EMID1: variants seen among roughly 807,000 people sequenced by gnomAD.
The protein encoded by EMID1 is EMI domain containing 1.
A neutral mutation model predicts 60.6 loss-of-function variants in EMID1; 40 were observed. The observed-to-expected ratio is 0.66, with a 90% CI of 0.51 to 0.86. The LOEUF (loss-of-function observed/expected upper bound fraction) is 0.86. EMID1 is among the 40% of genes least tolerant of loss of function. EMID1 has a pLI of 0.00. For missense variants in EMID1, 585 were observed against 597.1 expected, an observed-to-expected ratio of 0.98 and a Z score of 0.21; for synonymous variants, 242 against 231.0, an observed-to-expected ratio of 1.05 and a Z score of -0.43.
rs768292685 is a variant in EMID1, at chr22:29,215,642, C to T, written c.319+12C>T. On this transcript the variant is annotated intron_variant, in intron 3 of 14. Transcript: ENST00000334018. ...GAGCTGCGAGGAAGGTAGGACTGCC[C>T]GGCCGGCTCCCGGAGCCCTGCGACA... The T allele has an allele frequency of 3.4e-5, 55 of 1,611,620 alleles. No homozygotes were observed. The highest frequency in any genetic ancestry group is 1.3e-4 in the African/African-American group (10 of 74,850).
At chr22:29,247,820 G>A (rs962731868) in intron 13 of EMID1, among the ~76,000 whole-genome samples, 1 of 151,826 alleles carries the variant, frequency 6.6e-6, no homozygotes, top group Non-Finnish European at 1.5e-5. Context: ...TAGTAGAGAC[G>A]GGGTTTCACC....
At chr22:29,210,475 A>T (rs1224121477) in intron 1 of EMID1, among the ~76,000 whole-genome samples, 1 of 151,926 alleles carries the variant, frequency 6.6e-6, no homozygotes, top group Non-Finnish European at 1.5e-5. Context: ...ACCTCAGGTG[A>T]TCCACCTGCC....
intron 14 of EMID1, among the ~76,000 whole-genome samples, chr22:29,256,983 C>A (rs961727920): frequency 2.0e-5 from 3 of 152,194 alleles, no homozygotes; most frequent in Non-Finnish European, 4.4e-5. Context: ...GACCAAATCT[C>A]AGGCTCTCAG....
chr22:29,244,167 A>G (rs1174819564), intron 13 of EMID1, among the ~76,000 whole-genome samples: 3 of 152,232 alleles, frequency 2.0e-5, no homozygotes, highest in Non-Finnish European at 4.4e-5. Context: ...TAGGAGACCC[A>G]TGATGGATGA....
chr22:29,250,349 C>T (rs1181882773), intron 13 of EMID1, among the ~76,000 whole-genome samples: 37 of 152,190 alleles, frequency 2.4e-4, no homozygotes, highest in Admixed American at 2.4e-3. Flanking sequence ...TTAGAACAGG[C>T]CTCCTGCCTT....
In EMID1 at chr22:29,250,733, A is replaced by ATTTTTTTTTTTTTTTT. The variant is rs748172215; in HGVS notation, c.1120-3450_1120-3435dup. ...AGGCATGCACCACCACACCCGGCTAATTTTTTTTTTTTTTTTTTTTTTTTT... is the reference window on the plus strand; with the variant it reads ...AGGCATGCACCACCACACCCGGCTAATTTTTTTTTTTTTTTTTTTTTTTTTTTTTTTTTTTTTTTTT... On this transcript the variant is annotated intron_variant, in intron 13 of 14. Transcript: ENST00000334018. Among the ~76,000 whole-genome samples, 3 of 22,486 alleles carry ATTTTTTTTTTTTTTTT rather than the reference A, an allele frequency of 1.3e-4. 1 individual carries two copies. Among genetic ancestry groups the ATTTTTTTTTTTTTTTT allele is most frequent in the Admixed American group, 1.6e-3 (2 of 1,268 alleles). The allele number at this position is 22,486 out of a possible 152,430, so 14.8% of individuals were successfully genotyped here.
intron 13 of EMID1, among the ~76,000 whole-genome samples, chr22:29,244,757 A>AAGACG (rs10660016): frequency 0.36 from 54,273 of 151,686 alleles, 12,080 homozygotes; most frequent in Middle Eastern, 0.5. Context: ...ACGTGGGGGA[A>AAGACG]AGACGAGGAC....
chr22:29,231,516 C>A (rs6006066), intron 6 of EMID1, 77 bp from the exon 7 acceptor site: 1 of 1,448,598 alleles, frequency 6.9e-7, no homozygotes, highest in Non-Finnish European at 9.5e-7. Context: ...ATGGTAGATG[C>A]TGGTTGGGGG....
At chr22:29,230,984 C>T (rs1220299957) in intron 5 of EMID1, 36 bp from the exon 6 acceptor site, 15 of 1,601,490 alleles carry the variant, frequency 9.4e-6, no homozygotes, top group Non-Finnish European at 1.3e-5. Flanking sequence ...CCTAGTGAGA[C>T]CCTGGTACCC....
At chr22:29,243,657 C>T (rs545725083) in intron 13 of EMID1, among the ~76,000 whole-genome samples, 168 bp downstream of exon 13, 27 of 152,238 alleles carry the variant, frequency 1.8e-4, no homozygotes, top group African/African-American at 6.5e-4. Flanking sequence ...CAACTCCTTC[C>T]CCCATCTTGT....
At chr22:29,236,048 A>G (rs867450573) in intron 12 of EMID1, among the ~76,000 whole-genome samples, 1 of 152,056 alleles carries the variant, frequency 6.6e-6, no homozygotes, top group Non-Finnish European at 1.5e-5. Flanking sequence ...TTTTTGGTCC[A>G]TTCTAACAAT....
chr22:29,221,066 C>CGTGTGTGTGTGTGT (rs59651061), intron 3 of EMID1, among the ~76,000 whole-genome samples: 4 of 100,064 alleles, frequency 4.0e-5, no homozygotes, highest in South Asian at 4.0e-4. Context: ...GGGGTGGGAA[C>CGTGTGTGTGTGTGT]GTGTGTGTGT....
intron 12 of EMID1, among the ~76,000 whole-genome samples, chr22:29,242,373 T>C (rs1370452937): frequency 2.0e-5 from 3 of 152,238 alleles, no homozygotes; most frequent in Non-Finnish European, 4.4e-5. Context: ...TTTGATTCTT[T>C]TTTATAATTT....
chr22:29,232,119 A>G, intron 7 of EMID1, 137 bp from the exon 8 acceptor site: 1 of 924,154 alleles, frequency 1.1e-6, no homozygotes, highest in Non-Finnish European at 1.7e-6. Context: ...CTGTTAGACT[A>G]CCAGGCAGCC....
chr22:29,242,659 T>C (rs1468616549), intron 12 of EMID1, among the ~76,000 whole-genome samples: 3 of 152,232 alleles, frequency 2.0e-5, no homozygotes, highest in African/African-American at 7.2e-5. Context: ...TTGAGTTTTA[T>C]TCTAGAACAG....
At chr22:29,227,447 G>C (rs1324873919) in intron 5 of EMID1, among the ~76,000 whole-genome samples, 1 of 151,472 alleles carries the variant, frequency 6.6e-6, no homozygotes, top group Non-Finnish European at 1.5e-5. Flanking sequence ...GCTCACACCT[G>C]TAATCTCCAT....
chr22:29,220,729 C>T (rs2040261793), intron 3 of EMID1, among the ~76,000 whole-genome samples: 1 of 152,116 alleles, frequency 6.6e-6, no homozygotes. Context: ...CAGCCCCCCT[C>T]GTCCCACTGC....
chr22:29,222,466 G>A (rs981279213), intron 3 of EMID1, among the ~76,000 whole-genome samples: 2 of 139,938 alleles, frequency 1.4e-5, no homozygotes, highest in Admixed American at 1.5e-4. Flanking sequence ...GTGCAGTGGT[G>A]CAATTTCAGC....
intron 13 of EMID1, among the ~76,000 whole-genome samples, chr22:29,249,239 T>A (rs1446815182): frequency 2.0e-5 from 3 of 152,048 alleles, no homozygotes. Context: ...CTTTTCTTTT[T>A]TTTTTCCTTT....
Sources: gnomAD v4.1 joint callset for allele counts (sites outside exome capture counted in the v4.1 genomes callset) on GRCh38, gnomAD v4.1.1 for gene constraint, MANE v1.5 for transcripts, NCBI Gene and HGNC (gene_info 2026-07-23, HGNC 2026-07-21) for gene names.